The following AHRR variants were observed in gnomAD, a reference collection of about 807,000 sequenced individuals.
AHRR encodes aryl hydrocarbon receptor repressor.
In AHRR, 28 loss-of-function variants were observed where a neutral mutation model predicts 44.0. The observed-to-expected ratio is 0.64, with a 90% confidence interval of 0.47 to 0.87. The LOEUF is 0.87. AHRR is among the 40% of genes least tolerant of loss of function. The probability of loss-of-function intolerance (pLI) is 0.00; values close to 1 mark genes in which losing one functional copy is unlikely to be tolerated. For synonymous variants in AHRR, 434 were observed against 407.0 expected (o/e 1.07, Z -0.80); for missense variants, 990 against 953.9 (o/e 1.04, Z -0.50).
intron 1 of AHRR, among the ~76,000 whole-genome samples, chr5:343,165 G>T (rs1293485962): frequency 6.6e-6 from 1 of 151,358 alleles, no homozygotes; most frequent in East Asian, 1.9e-4. Flanking sequence ...ATGTGGCCCC[G>T]TGTGTCCTCT....
At chr5:380,033 T>G (rs917362158) in intron 4 of AHRR, among the ~76,000 whole-genome samples, 1 of 152,214 alleles carries the variant, frequency 6.6e-6, no homozygotes, top group African/African-American at 2.4e-5. Flanking sequence ...GGGTCAAGAT[T>G]TATTGTTTTT....
At chr5:378,783 A>G (rs753928026) in intron 4 of AHRR, among the ~76,000 whole-genome samples, 11 of 152,208 alleles carry the variant, frequency 7.2e-5, no homozygotes, top group East Asian at 1.9e-4. Flanking sequence ...TAGGTGGGCT[A>G]CAGGGCTGTT....
At chr5:373,780 G>A (rs1244986526) in intron 3 of AHRR, among the ~76,000 whole-genome samples, 1 of 151,260 alleles carries the variant, frequency 6.6e-6, no homozygotes, top group Non-Finnish European at 1.5e-5. Context: ...CGCGGACCCC[G>A]AGCCCCATTC....
intron 6 of AHRR, among the ~76,000 whole-genome samples, 191 bp from the exon 7 acceptor site, chr5:423,650 A>T (rs1405131551): frequency 3.9e-5 from 6 of 152,226 alleles, no homozygotes; most frequent in African/African-American, 1.4e-4. Context: ...ACTAAAAACG[A>T]TGTTTTTAAA....
chr5:344,052 A>G, intron 2 of AHRR, 88 bp downstream of exon 2: 2 of 1,405,070 alleles, frequency 1.4e-6, no homozygotes, highest in Non-Finnish European at 1.9e-6. Context: ...AGTTTTAGGA[A>G]CAGGGCGAGC....
intron 4 of AHRR, among the ~76,000 whole-genome samples, chr5:393,310 T>G (rs575576529): frequency 6.6e-6 from 1 of 152,248 alleles, no homozygotes; most frequent in Non-Finnish European, 1.5e-5. Context: ...TTCTTGTCTT[T>G]GCACCTAACG....
rs1736946905 is a variant in AHRR at position 435,058 on chromosome 5, A to G, written c.*224A>G. ...TTAAATGAAAACTGGCCTTAAGTCT[A>G]TTCAAGCATGACAGCATTTCTCTTT... On this transcript the variant is annotated 3_prime_UTR_variant, in exon 11 of 11. Transcript: ENST00000684583. The G allele has an allele frequency of 1.9e-5, 11 of 593,042 alleles. No individual in the cohort carries two copies. The highest frequency in any genetic ancestry group is 3.1e-5 in the Non-Finnish European group (11 of 349,650). The allele number at this position is 593,042 out of a possible 1,614,324, so 36.7% of individuals were successfully genotyped here.
rs1735981564 is a variant in AHRR at position 419,684 on chromosome 5, C to T, written c.442-3045C>T. Reference sequence around the variant, plus strand: ...GGCCCTCCATGGTGCCCGGCTCTTACTGCACAGGGACCAACAGGCCGGCCC... The same window carrying T: ...GGCCCTCCATGGTGCCCGGCTCTTATTGCACAGGGACCAACAGGCCGGCCC... On this transcript the variant is annotated intron_variant, in intron 5 of 10. Coordinates refer to ENST00000684583, the MANE Select transcript of AHRR (RefSeq NM_001377236.1). This position sits in a 1 kb window ranked among gnomAD's most constrained non-coding sequence, Gnocchi z 4.4. 1.3e-5 allele frequency among the ~76,000 whole-genome samples: 2 copies of T among 152,152 alleles called. No homozygotes were observed.
chr5:419,413 C>T lies in AHRR; in HGVS notation c.442-3316C>T, dbSNP rs1039054105. Among the ~76,000 whole-genome samples the T allele has an allele frequency of 7.2e-5, 11 of 152,236 alleles. No homozygotes were observed. The highest frequency in any genetic ancestry group is 3.4e-3 in the Middle Eastern group (1 of 294). On this transcript the variant is annotated intron_variant, in intron 5 of 10. Transcript: ENST00000684583. This position sits in a 1 kb window ranked among gnomAD's most constrained non-coding sequence, Gnocchi z 4.4. ...AACTCCCAACCTCAAGTGATCTGCC[C>T]GCCTTGGCCTCCTAAAGTGCTGGGA...
chr5:339,614 A>T (rs1024259192), intron 1 of AHRR, among the ~76,000 whole-genome samples: 3 of 151,562 alleles, frequency 2.0e-5, no homozygotes, highest in African/African-American at 7.3e-5. Context: ...TGCCTTGTTC[A>T]TGGTCTTGGG....
In AHRR at chr5:434,247, A is replaced by C; in HGVS notation, c.1507A>C (p.Arg503=). The change falls in exon 11 of 11, where the codon AGG becomes CGG. Residue 503 remains arginine (R), a synonymous_variant. Coordinates refer to ENST00000684583, the MANE Select transcript of AHRR (RefSeq NM_001377236.1). ...PQPGAQRFAT[R]GYPMEDMKLQ... ...GCCTGGAGCTCAGCGTTTTGCCACG[A>C]GGGGCTATCCCATGGAGGACATGAA... 1 of 1,595,920 alleles carries C rather than the reference A, an allele frequency of 6.3e-7. No homozygotes were observed.
chr5:425,154 G>A (rs769709178), intron 7 of AHRR, among the ~76,000 whole-genome samples: 7 of 152,218 alleles, frequency 4.6e-5, no homozygotes, highest in African/African-American at 4.8e-5. Flanking sequence ...GGGTGCAGAC[G>A]GTCCCCATGG....
chr5:348,098 G>A (rs571962725), intron 2 of AHRR, among the ~76,000 whole-genome samples: 14 of 152,372 alleles, frequency 9.2e-5, no homozygotes, highest in South Asian at 4.1e-4. Flanking sequence ...GGGGGAAGCC[G>A]GGCGGCCGGC....
intron 4 of AHRR, chr5:403,973 C>T (rs900993359): frequency 1.6e-6 from 2 of 1,271,270 alleles, no homozygotes; most frequent in Admixed American, 1.7e-5. Flanking sequence ...GACTCGTCTA[C>T]ATTTTCTGCT....
intron 2 of AHRR, among the ~76,000 whole-genome samples, chr5:351,580 C>T (rs756598104): frequency 4.5e-4 from 69 of 152,136 alleles, no homozygotes; most frequent in Non-Finnish European, 8.8e-4. Context: ...TGAGGGCTGC[C>T]AGGGCTAACA....
rs537348747 is a variant in AHRR at position 348,846 on chromosome 5, A to T, written c.62+4882A>T. On this transcript the variant is annotated intron_variant, in intron 2 of 10. Coordinates refer to ENST00000684583, the MANE Select transcript of AHRR (RefSeq NM_001377236.1). Reference sequence around the variant, plus strand: ...TGTAGGTTTTTATTTCTGTTGGATAAATACTTAGGCATGCAGTTGCTGGGT... The same window carrying T: ...TGTAGGTTTTTATTTCTGTTGGATATATACTTAGGCATGCAGTTGCTGGGT... Among the ~76,000 whole-genome samples, 36 of 152,344 alleles carry T rather than the reference A, an allele frequency of 2.4e-4. No individual in the cohort carries two copies. In the South Asian group the frequency reaches 7.5e-3, roughly 32 times the overall value.
At chr5:378,410 G>A (rs114515903) in intron 4 of AHRR, among the ~76,000 whole-genome samples, 212 of 152,310 alleles carry the variant, frequency 1.4e-3, no homozygotes, top group African/African-American at 4.5e-3. Context: ...TGGACCCAGC[G>A]CTTCTGTTTA....
rs2292596 is a variant in AHRR at position 422,840 on chromosome 5, C to T, written c.553C>T (p.Pro185Ser). The T allele has an allele frequency of 1.2e-6, 2 of 1,612,568 alleles. No individual in the cohort carries two copies. Among genetic ancestry groups the T allele is most frequent in the Admixed American group, 1.7e-5 (1 of 59,880 alleles). ...CCCTCCCCAGGTGGTGTTTGGGCAG[C>T]CCCCGCCCTTGGAGACAGGTGGGTG... is the stretch of plus-strand genomic sequence containing the variant. Reference protein sequence around the residue: ...MDPPQVVFGQPPPLETGDDAI... With the variant: ...MDPPQVVFGQSPPLETGDDAI... Residue 185 changes from proline (P) to serine (S), a missense_variant, in exon 6 of 11, where the codon CCC becomes TCC. Coordinates refer to ENST00000684583, the MANE Select transcript of AHRR (RefSeq NM_001377236.1).
chr5:425,333 A>G (rs1736334287), intron 7 of AHRR, among the ~76,000 whole-genome samples: 1 of 152,082 alleles, frequency 6.6e-6, no homozygotes, highest in South Asian at 2.1e-4. Context: ...TTATTTATTT[A>G]TTTTTGATGG....
Sources: allele counts gnomAD v4.1 joint callset (sites outside exome capture counted in the v4.1 genomes callset), GRCh38; gene constraint gnomAD v4.1.1; non-coding constraint Gnocchi (gnomAD v3.1); transcripts MANE v1.5; gene names NCBI Gene and HGNC (gene_info 2026-07-23, HGNC 2026-07-21).